Variants in MORC1 observed in about 807,000 individuals in gnomAD.
The protein encoded by MORC1 is MORC family CW-type zinc finger protein 1.
MORC1 carries 59 observed loss-of-function variants against 134.9 expected under a neutral mutation model. That is an observed-to-expected ratio of 0.44 (90% CI 0.35 to 0.54). MORC1 has a LOEUF of 0.54. Ranked by LOEUF, MORC1 falls within the 20% of genes least tolerant of loss-of-function variation. MORC1 has a pLI of 0.00. For missense variants in MORC1, 947 were observed against 1,134.5 expected, an observed-to-expected ratio of 0.83 and a Z score of 2.37; for synonymous variants, 395 against 391.7, an observed-to-expected ratio of 1.01 and a Z score of -0.10.
Position 108,984,798 on chromosome 3 carries a change from G to A in MORC1, c.2258-16C>T, listed in dbSNP as rs761945775. On this transcript the variant is annotated splice_polypyrimidine_tract_variant and intron_variant, in intron 22 of 27. Coordinates refer to ENST00000232603, the MANE Select transcript of MORC1 (RefSeq NM_014429.4). ...TCCTGTTTTTCTTCAAAAGAACATA[G>A]ACAAACAATCGCATTTGGATGATCA... 3 of 1,595,160 alleles carry A rather than the reference G, an allele frequency of 1.9e-6. No homozygotes were observed. The highest frequency in any genetic ancestry group is 2.3e-5 in the South Asian group (2 of 87,826).
At chr3:109,029,051 G>A (rs1949168487) in intron 16 of MORC1, among the ~76,000 whole-genome samples, 1 of 152,192 alleles carries the variant, frequency 6.6e-6, no homozygotes, top group African/African-American at 2.4e-5. Context: ...CTGAAACAGT[G>A]AGGGAAAAGG....
At chr3:108,968,831 C>T (rs1027889249) in intron 26 of MORC1, among the ~76,000 whole-genome samples, 1 of 152,152 alleles carries the variant, frequency 6.6e-6, no homozygotes. Flanking sequence ...CAGTATTGAT[C>T]CTGGTGTCAA....
At chr3:109,111,050 T>TAAAAAAAAAAAAAAAAAAAAAAAAATA (rs11344763) in intron 2 of MORC1, among the ~76,000 whole-genome samples, 1 of 113,860 alleles carries the variant, frequency 8.8e-6, no homozygotes, top group Non-Finnish European at 1.8e-5. Context: ...GGATATAATT[T>TAAAAAAAAAAAAAAAAAAAAAAAAATA]AAAAAAAAAA....
intron 26 of MORC1, among the ~76,000 whole-genome samples, chr3:108,965,572 C>T (rs1559858270): frequency 6.6e-6 from 1 of 152,052 alleles, no homozygotes; most frequent in Non-Finnish European, 1.5e-5. Context: ...AATTCTGCAT[C>T]CTGATTTCAG....
intron 9 of MORC1, among the ~76,000 whole-genome samples, chr3:109,065,076 T>C (rs1424245911): frequency 6.6e-6 from 1 of 152,186 alleles, no homozygotes; most frequent in Non-Finnish European, 1.5e-5. Flanking sequence ...CTTCCACTAT[T>C]ACCACCTGAG....
At position 109,004,802 on chromosome 3, in the gene MORC1, A is replaced by G; in HGVS notation, c.2085+15T>C. On this transcript the variant is annotated intron_variant, in intron 20 of 27. Transcript: ENST00000232603. ...TATTTCTCCCTTAAATACAAATTTA[A>G]AAGCCTTTTCCCACCTGGGCATTCT... 1 of 1,610,232 alleles carries G rather than the reference A, an allele frequency of 6.2e-7. No individual in the cohort carries two copies. The highest frequency in any genetic ancestry group is 2.2e-5 in the East Asian group (1 of 44,810).
At chr3:109,029,653 A>G (rs1404036650) in intron 16 of MORC1, among the ~76,000 whole-genome samples, 1 of 152,216 alleles carries the variant, frequency 6.6e-6, no homozygotes, top group Non-Finnish European at 1.5e-5. Flanking sequence ...TCAAAAATGT[A>G]TAGCCTCCCT....
At chr3:109,049,351 G>A (rs181980430) in intron 14 of MORC1, among the ~76,000 whole-genome samples, 4 of 152,302 alleles carry the variant, frequency 2.6e-5, no homozygotes, top group Admixed American at 6.5e-5. Context: ...ACAAGGGTTA[G>A]GTGATAGCAT....
chr3:109,093,739 G>A (rs997977346), intron 7 of MORC1, among the ~76,000 whole-genome samples, 198 bp from the exon 8 acceptor site: 1 of 152,192 alleles, frequency 6.6e-6, no homozygotes, highest in Non-Finnish European at 1.5e-5. Context: ...AAAGAGTGCT[G>A]AGTTTCTACA....
intron 12 of MORC1, among the ~76,000 whole-genome samples, chr3:109,058,673 CA>C (rs1438678671): frequency 2.6e-5 from 4 of 151,828 alleles, no homozygotes; most frequent in Non-Finnish European, 5.9e-5. Flanking sequence ...ATATAGGAAT[CA>C]AACTTTTTCT....
rs141746803 is a variant in MORC1 at position 109,060,521 on chromosome 3, T to C, written c.967-651A>G. Among the ~76,000 whole-genome samples, 777 of 152,064 alleles carry C rather than the reference T, an allele frequency of 5.1e-3. 18 individuals carry two copies. The highest frequency in any genetic ancestry group is 0.018 in the African/African-American group (746 of 41,478). On this transcript the variant is annotated intron_variant, in intron 11 of 27. Coordinates refer to ENST00000232603, the MANE Select transcript of MORC1 (RefSeq NM_014429.4). ...CAGGCATAAGAATAGCCTCTTAACA[T>C]GCTTCATTCACCTGAGGTGAAAGGT...
chr3:109,056,018 T>G (rs1949952509), intron 13 of MORC1, among the ~76,000 whole-genome samples: 1 of 152,084 alleles, frequency 6.6e-6, no homozygotes, highest in Non-Finnish European at 1.5e-5. Context: ...AACAGAAGAT[T>G]CAAGGCCAAG....
At chr3:109,114,575 T>A in intron 1 of MORC1, 138 bp from the exon 2 acceptor site, 1 of 697,254 alleles carries the variant, frequency 1.4e-6, no homozygotes, top group South Asian at 2.1e-5. Flanking sequence ...AACAACTCTC[T>A]CAGCACGGTC....
chr3:108,964,833 T>A (rs1947174371), intron 26 of MORC1, among the ~76,000 whole-genome samples: 1 of 152,214 alleles, frequency 6.6e-6, no homozygotes, highest in Non-Finnish European at 1.5e-5. Context: ...GGACAGCAGA[T>A]AATGCAGCAC....
chr3:109,114,472 A>G (rs762838060), intron 1 of MORC1, 35 bp from the exon 2 acceptor site: 2 of 1,571,418 alleles, frequency 1.3e-6, no homozygotes, highest in South Asian at 2.3e-5. Flanking sequence ...AAAAAGTTAA[A>G]CCAGGTGTGT....
chr3:109,078,798 A>T (rs1340725144), intron 8 of MORC1, among the ~76,000 whole-genome samples: 1 of 151,930 alleles, frequency 6.6e-6, no homozygotes, highest in Non-Finnish European at 1.5e-5. Context: ...GGGAGAATAC[A>T]TGATATAAGA....
intron 20 of MORC1, among the ~76,000 whole-genome samples, chr3:109,001,546 T>A (rs2107523594): frequency 6.6e-6 from 1 of 152,346 alleles, no homozygotes; most frequent in Middle Eastern, 3.4e-3. Flanking sequence ...TCAACAGAAT[T>A]TAGCCTTCGT....
At chr3:109,034,574 T>G (rs538491844) in intron 15 of MORC1, among the ~76,000 whole-genome samples, 5 of 152,306 alleles carry the variant, frequency 3.3e-5, no homozygotes, top group South Asian at 2.1e-4. Context: ...CATTGTTCAG[T>G]GATTCAGTTG....
chr3:109,044,097 G>T (rs967475789), intron 14 of MORC1, among the ~76,000 whole-genome samples: 4 of 152,078 alleles, frequency 2.6e-5, no homozygotes, highest in Non-Finnish European at 5.9e-5. Flanking sequence ...AAATTAATAG[G>T]ATAATCCGGG....
Sources: gnomAD v4.1 joint callset for allele counts (sites outside exome capture counted in the v4.1 genomes callset) on GRCh38, gnomAD v4.1.1 for gene constraint, MANE v1.5 for transcripts, NCBI Gene and HGNC (gene_info 2026-07-23, HGNC 2026-07-21) for gene names.